ARHGEF7: variants seen among roughly 807,000 people sequenced by gnomAD.
The protein encoded by ARHGEF7 is Rho guanine nucleotide exchange factor 7, also known as PAK-interacting exchange factor beta.
ARHGEF7 carries 33 observed loss-of-function variants against 109.8 expected under a neutral mutation model. The ratio of observed to expected loss-of-function variants is 0.30; its 90% CI spans 0.23 to 0.40. ARHGEF7 has a LOEUF of 0.40. ARHGEF7 is among the 10% of genes least tolerant of loss of function. The pLI, the probability that ARHGEF7 is intolerant of heterozygous loss-of-function variation, is 1.00. For missense variants in ARHGEF7, 938 were observed against 1,098.5 expected, an observed-to-expected ratio of 0.85 and a Z score of 2.07; for synonymous variants, 458 against 424.6, an observed-to-expected ratio of 1.08 and a Z score of -0.97.
chr13:111,301,891 CAAATAA>C (rs2093577414), intron 21 of ARHGEF7, among the ~76,000 whole-genome samples: 1 of 151,888 alleles, frequency 6.6e-6, no homozygotes, highest in Non-Finnish European at 1.5e-5. Context: ...GACTCCGTCT[CAAATAA>C]AAATAAAAAG....
intron 1 of ARHGEF7, among the ~76,000 whole-genome samples, chr13:111,123,249 G>A (rs1244032738): frequency 1.3e-5 from 2 of 152,200 alleles, no homozygotes; most frequent in Non-Finnish European, 2.9e-5. Context: ...CCTCCGAGGA[G>A]ACCCCAGGGC....
At chr13:111,227,877 C>T (rs1174889044) in intron 5 of ARHGEF7, among the ~76,000 whole-genome samples, 1 of 152,230 alleles carries the variant, frequency 6.6e-6, no homozygotes, top group Non-Finnish European at 1.5e-5. Flanking sequence ...CTCTATCCTC[C>T]CACATTCTGC....
chr13:111,302,998 A>G lies in ARHGEF7; in HGVS notation c.2474A>G (p.Lys825Arg), dbSNP rs1184047717. 6.2e-7 allele frequency: 1 copy of G among 1,614,162 alleles called. No individual in the cohort carries two copies. The highest frequency in any genetic ancestry group is 1.7e-5 in the Admixed American group (1 of 60,030). The part of the protein sequence containing the change: ...DEVQELRQDN[K>R]KMKKSLEEEQ... Reference sequence around the variant, plus strand: ...GGTCTGCTTAATTTACAGGACAACAAAAAGATGAAGAAATCTCTAGAGGAA... The same window carrying G: ...GGTCTGCTTAATTTACAGGACAACAGAAAGATGAAGAAATCTCTAGAGGAA... Residue 825 changes from lysine to arginine, a missense_variant, in exon 22 of 22, where the codon AAA becomes AGA. Physicochemically the swap from Lys to Arg is conservative, Grantham distance 26. Coordinates refer to ENST00000646102, the MANE Select transcript of ARHGEF7 (RefSeq NM_001354046.2).
At chr13:111,211,939 A>G (rs971676136) in intron 4 of ARHGEF7, among the ~76,000 whole-genome samples, 4 of 152,146 alleles carry the variant, frequency 2.6e-5, no homozygotes, top group African/African-American at 9.7e-5. Context: ...CTAAGCTTTG[A>G]GATTGCGTAA....
chr13:111,283,082 C>A (rs373843597), intron 15 of ARHGEF7, 57 bp from the exon 16 acceptor site: 1 of 1,536,626 alleles, frequency 6.5e-7, no homozygotes, highest in South Asian at 1.2e-5. Context: ...AGTGCCCTTT[C>A]GCGGTGAGCA....
chr13:111,262,930 CAT>C (rs760012127), intron 8 of ARHGEF7, among the ~76,000 whole-genome samples: 1 of 152,238 alleles, frequency 6.6e-6, no homozygotes, highest in Non-Finnish European at 1.5e-5. Flanking sequence ...TCTCATGACT[CAT>C]GTGCACCATC....
chr13:111,301,378 G>A (rs117689653), intron 20 of ARHGEF7, 100 bp from the exon 21 acceptor site: 20,801 of 977,278 alleles, frequency 0.021, 328 homozygotes, highest in Middle Eastern at 0.046. Context: ...GAGCAGCTCC[G>A]TGTCCTCCTC....
chr13:111,203,071 A>G lies in ARHGEF7; in HGVS notation c.253-2218A>G, dbSNP rs886176786. On this transcript the variant is annotated intron_variant, in intron 2 of 21. Transcript: ENST00000646102. ...TAACAGGAAACTTCACATTTTTCAC[A>G]TCCTGTTATTCTGGGTTTTGTGACT... The G allele has an allele frequency of 5.5e-6, 7 of 1,277,200 alleles. No homozygotes were observed. In the African/African-American group the frequency reaches 1.1e-4, roughly 20 times the overall value. The allele number at this position is 1,277,200 out of a possible 1,614,324, so 79.1% of individuals were successfully genotyped here.
intron 1 of ARHGEF7, 196 bp from the exon 2 acceptor site, chr13:111,153,709 G>A (rs1286765843): frequency 5.3e-6 from 7 of 1,320,660 alleles, no homozygotes; most frequent in Admixed American, 4.2e-5. Context: ...CAGCCCCGGA[G>A]GAAGAAAAAA....
At position 111,221,365 on chromosome 13, in the gene ARHGEF7, C is replaced by A. The variant is rs376450901; in HGVS notation, c.670+3485C>A. Among the ~76,000 whole-genome samples, 10 of 11,896 alleles carry A rather than the reference C, an allele frequency of 8.4e-4. 2 individuals are homozygous for A. The highest frequency in any genetic ancestry group is 3.3e-3 in the East Asian group (5 of 1,538). 7.8% of individuals were successfully genotyped at this position (11,896 alleles called of 152,430 possible). On this transcript the variant is annotated intron_variant, in intron 5 of 21. Transcript: ENST00000646102. ...TCTATATATATGTCTATATATATAT[C>A]TATATATATATCTATATATATAGAT...
intron 2 of ARHGEF7, among the ~76,000 whole-genome samples, chr13:111,163,555 A>G (rs1427130547): frequency 6.6e-6 from 1 of 152,028 alleles, no homozygotes; most frequent in African/African-American, 2.4e-5. Context: ...TCATTTTTAA[A>G]TATTTATTTA....
chr13:111,130,626 G>A (rs573618580), intron 1 of ARHGEF7, among the ~76,000 whole-genome samples: 177 of 152,274 alleles, frequency 1.2e-3, no homozygotes, highest in Non-Finnish European at 2.0e-3. Context: ...TGGAGATTTC[G>A]CAGAAATAGA....
chr13:111,193,711 A>G (rs1241843044), intron 2 of ARHGEF7, among the ~76,000 whole-genome samples: 1 of 152,220 alleles, frequency 6.6e-6, no homozygotes, highest in East Asian at 1.9e-4. Context: ...TACATCACTA[A>G]CTATGGCATA....
At chr13:111,282,997 A>C in intron 15 of ARHGEF7, 142 bp from the exon 16 acceptor site, 1 of 1,167,146 alleles carries the variant, frequency 8.6e-7, no homozygotes, top group South Asian at 1.5e-5. Context: ...TGAGAGCCAG[A>C]GATACGAATG....
chr13:111,293,576 T>TA (rs1862340151), intron 19 of ARHGEF7: 2 of 985,250 alleles, frequency 2.0e-6, no homozygotes, highest in South Asian at 4.7e-5. Flanking sequence ...AATCCACACC[T>TA]AGTCATTGCT....
At chr13:111,185,679 G>C (rs2079172474) in intron 2 of ARHGEF7, among the ~76,000 whole-genome samples, 1 of 152,250 alleles carries the variant, frequency 6.6e-6, no homozygotes, top group South Asian at 2.1e-4. Context: ...GCGACAGCCA[G>C]GCTGTTCTTT....
At position 111,173,268 on chromosome 13, in the gene ARHGEF7, G is replaced by A. The variant is rs187984000; in HGVS notation, c.252+19277G>A. ...GAATGCATACTGCCTGGGAGGGCTG[G>A]CCGGTCTCAGAGCCTGGCAGCCTGG... On this transcript the variant is annotated intron_variant, in intron 2 of 21. Transcript: ENST00000646102. Among the ~76,000 whole-genome samples, 108 of 152,320 alleles carry A rather than the reference G, an allele frequency of 7.1e-4. 1 individual carries two copies. The highest frequency in any genetic ancestry group is 3.4e-3 in the Middle Eastern group (1 of 294).
chr13:111,303,635 C>A lies in ARHGEF7; in HGVS notation c.*522C>A, dbSNP rs1393254408. The A allele has an allele frequency of 2.0e-5, 3 of 152,150 alleles. No individual in the cohort carries two copies. The highest frequency in any genetic ancestry group is 2.1e-4 in the South Asian group (1 of 4,804). The allele number at this position is 152,150 out of a possible 1,614,324, so 9.4% of individuals were successfully genotyped here. On this transcript the variant is annotated 3_prime_UTR_variant, in exon 22 of 22. Coordinates refer to ENST00000646102, the MANE Select transcript of ARHGEF7 (RefSeq NM_001354046.2). ...GGGCCTCCACCGTGCTGTGGCAGCACCCCCCATGTCGGTATTTCTAAATAA... is the reference window on the plus strand; with the variant it reads ...GGGCCTCCACCGTGCTGTGGCAGCAACCCCCATGTCGGTATTTCTAAATAA...
chr13:111,140,730 A>G (rs930299825), intron 1 of ARHGEF7, among the ~76,000 whole-genome samples: 3 of 151,904 alleles, frequency 2.0e-5, no homozygotes, highest in Admixed American at 6.6e-5. Context: ...GTCTTTTTCT[A>G]TTGCCCAGGA....
Sources: allele counts gnomAD v4.1 joint callset (sites outside exome capture counted in the v4.1 genomes callset), GRCh38; gene constraint gnomAD v4.1.1; transcripts MANE v1.5; gene names NCBI Gene and HGNC (gene_info 2026-07-23, HGNC 2026-07-21).